Variants in GATAD2A observed in about 807,000 individuals in gnomAD.
The protein encoded by GATAD2A is transcriptional repressor p66-alpha.
In GATAD2A, 12 loss-of-function variants were observed where a neutral mutation model predicts 68.5. The ratio of observed to expected loss-of-function variants is 0.18; its 90% CI spans 0.11 to 0.28. The LOEUF is 0.28. Among genes scored for constraint, GATAD2A ranks in the 10% least tolerant of loss-of-function variants. The probability of loss-of-function intolerance (pLI) is 1.00; values close to 1 mark genes in which losing one functional copy is unlikely to be tolerated. For missense variants in GATAD2A, 755 were observed against 868.5 expected, an observed-to-expected ratio of 0.87 and a Z score of 1.64; for synonymous variants, 410 against 375.3, an observed-to-expected ratio of 1.09 and a Z score of -1.07.
chr19:19,508,011 A>T lies in GATAD2A; in HGVS notation c.*2537A>T, dbSNP rs1314237855. 1.3e-5 allele frequency: 2 copies of T among 152,202 alleles called. No homozygotes were observed. The highest frequency in any genetic ancestry group is 2.9e-5 in the Non-Finnish European group (2 of 68,036). The allele number at this position is 152,202 out of a possible 1,614,324, so 9.4% of individuals were successfully genotyped here. ...ATGTTAAGGGTGTTCTACCCACAGCAAAGCACACCCTCTTAAACCAGGCAC... is the reference window on the plus strand; with the variant it reads ...ATGTTAAGGGTGTTCTACCCACAGCTAAGCACACCCTCTTAAACCAGGCAC... On this transcript the variant is annotated 3_prime_UTR_variant, in exon 12 of 12. Transcript: ENST00000683918.
chr19:19,433,299 C>G (rs2053950474), intron 1 of GATAD2A, among the ~76,000 whole-genome samples: 1 of 152,104 alleles, frequency 6.6e-6, no homozygotes, highest in African/African-American at 2.4e-5. Flanking sequence ...TTTTGTCAGT[C>G]TGCTTGTCTT....
chr19:19,493,475 T>C (rs1177196930), intron 4 of GATAD2A, among the ~76,000 whole-genome samples: 1 of 152,232 alleles, frequency 6.6e-6, no homozygotes, highest in African/African-American at 2.4e-5. Flanking sequence ...GTCCTGCTTC[T>C]GTTTCTTCTT....
chr19:19,454,727 T>TTCCC (rs1555707158), intron 1 of GATAD2A, among the ~76,000 whole-genome samples: 1 of 108,340 alleles, frequency 9.2e-6, no homozygotes, highest in Non-Finnish European at 2.0e-5. Flanking sequence ...TGAGCCACTG[T>TTCCC]GCCCCCCCCC....
chr19:19,455,064 T>C (rs1600171793), intron 1 of GATAD2A, among the ~76,000 whole-genome samples: 2 of 152,280 alleles, frequency 1.3e-5, no homozygotes, highest in South Asian at 4.2e-4. Context: ...ATTGAAAATA[T>C]TTGGGGTAAG....
At chr19:19,401,645 GTC>G (rs2049763791), upstream of GATAD2A, among the ~76,000 whole-genome samples, 2 of 152,004 alleles carry the variant, frequency 1.3e-5, no homozygotes, top group African/African-American at 4.8e-5. Flanking sequence ...GGGAGGAGTG[GTC>G]TCTCAGTTGT....
chr19:19,452,090 T>A (rs1051787759), intron 1 of GATAD2A, among the ~76,000 whole-genome samples: 6 of 152,216 alleles, frequency 3.9e-5, no homozygotes, highest in Admixed American at 2.6e-4. Context: ...TGTGAGTATA[T>A]ACGTGTGTGT....
Position 19,477,646 on chromosome 19 carries a change from G to C in GATAD2A, c.269+12032G>C, listed in dbSNP as rs1036726068. On this transcript the variant is annotated intron_variant, in intron 2 of 11. Transcript: ENST00000683918. ...GGGATAGATTGTTGGATGCAGGAAG[G>C]GTGGAACATAGAGTTGGGACTGGGC... Among the ~76,000 whole-genome samples the C allele has an allele frequency of 9.2e-5, 14 of 152,292 alleles. No homozygotes were observed. In the East Asian group the frequency reaches 1.7e-3, roughly 19 times the overall value.
intron 1 of GATAD2A, among the ~76,000 whole-genome samples, chr19:19,461,489 T>C (rs1664636113): frequency 6.6e-6 from 1 of 152,204 alleles, no homozygotes; most frequent in Non-Finnish European, 1.5e-5. Flanking sequence ...TTCTAGAACA[T>C]GTTTTCTGCC....
rs549188396 is a variant in GATAD2A, at chr19:19,496,177, C to T, written c.882C>T (p.Val294=). The T allele has an allele frequency of 2.1e-5, 34 of 1,613,824 alleles. No homozygotes were observed. Among genetic ancestry groups the T allele is most frequent in the South Asian group, 1.9e-4 (17 of 91,090 alleles). ...TCATCCAGCAGGGCCTCATCCGCGT[C>T]GCCAATGTTCCCAACACCAGCCTGC... ...QRIIQQGLIR[V]ANVPNTSLLV... Residue 294 remains valine, a synonymous_variant, in exon 7 of 12, where the codon GTC becomes GTT. Coordinates refer to ENST00000683918, the MANE Select transcript of GATAD2A (RefSeq NM_001384528.1).
chr19:19,465,592 G>A lies in GATAD2A; in HGVS notation c.247G>A (p.Val83Met), dbSNP rs550086696. 7 of 1,611,248 alleles carry A rather than the reference G, an allele frequency of 4.3e-6. No homozygotes were observed. The highest frequency in any genetic ancestry group is 2.7e-5 in the African/African-American group (2 of 75,014). The change falls in exon 2 of 12, where the codon GTG becomes ATG. Residue 83 changes from valine to methionine, a missense_variant. By Grantham distance (21) the Val-to-Met change is conservative. Transcript: ENST00000683918. ...CGAAGGGCTGGTGGGCGATGGGCCC[G>A]TGGACATGCGCACCTCACACAGGTG... ...RGEGLVGDGP[V>M]DMRTSHSDMK...
At chr19:19,464,129 G>A (rs1644885774) in intron 1 of GATAD2A, among the ~76,000 whole-genome samples, 1 of 152,150 alleles carries the variant, frequency 6.6e-6, no homozygotes, top group Non-Finnish European at 1.5e-5. Flanking sequence ...GGAAACTAAG[G>A]CTCTGGCAAG....
intron 1 of GATAD2A, among the ~76,000 whole-genome samples, chr19:19,464,435 C>G (rs554123863): frequency 2.0e-5 from 3 of 152,300 alleles, no homozygotes; most frequent in African/African-American, 7.2e-5. Context: ...TGCCAGTGTC[C>G]CAGACCCTGC....
intron 2 of GATAD2A, among the ~76,000 whole-genome samples, chr19:19,474,709 G>C (rs993116133): frequency 6.6e-6 from 1 of 152,224 alleles, no homozygotes. Context: ...TAAACACTCA[G>C]GTTAAACTGC....
At chr19:19,409,531 T>G (rs1274879157) in intron 1 of GATAD2A, among the ~76,000 whole-genome samples, 2 of 152,206 alleles carry the variant, frequency 1.3e-5, no homozygotes, top group African/African-American at 4.8e-5. Flanking sequence ...TTGAGTTATC[T>G]GAGCTGCTTC....
At chr19:19,436,894 T>G (rs571993127) in intron 1 of GATAD2A, among the ~76,000 whole-genome samples, 3 of 152,118 alleles carry the variant, frequency 2.0e-5, no homozygotes, top group Non-Finnish European at 4.4e-5. Flanking sequence ...TGGGCCAGAG[T>G]TGGCAGGTGA....
chr19:19,411,900 CT>C (rs1568709479), intron 1 of GATAD2A, among the ~76,000 whole-genome samples: 1 of 152,158 alleles, frequency 6.6e-6, no homozygotes, highest in Admixed American at 6.6e-5. Flanking sequence ...GCTTGGTTTT[CT>C]TTATAACAGA....
Position 19,405,725 on chromosome 19 carries a change from C to G in GATAD2A, c.-301C>G, listed in dbSNP as rs1213122529. 1 of 151,614 alleles carries G rather than the reference C, an allele frequency of 6.6e-6. No homozygotes were observed. Among genetic ancestry groups the G allele is most frequent in the Non-Finnish European group, 1.5e-5 (1 of 67,842 alleles). 9.4% of individuals were successfully genotyped at this position (151,614 alleles called of 1,614,324 possible). ...GGGCGGCGTCGCCTTTAAGAGCTCC[C>G]CGGTGTTTTGGGGGCCGCGGGCCGG... On this transcript the variant is annotated 5_prime_UTR_variant, in exon 1 of 12. Transcript: ENST00000683918.
At chr19:19,415,735 A>G (rs1036625553) in intron 1 of GATAD2A, among the ~76,000 whole-genome samples, 2 of 148,444 alleles carry the variant, frequency 1.3e-5, no homozygotes, top group Non-Finnish European at 3.0e-5. Context: ...CTCCTGCCTC[A>G]GCCTCCCAAG....
At position 19,492,540 on chromosome 19, in the gene GATAD2A, A is replaced by G. The variant is rs766930178; in HGVS notation, c.403-41A>G. ...GATGGCAGGGCCTCTGCTCCTCACCAAGGACGCTCCCTCTCAACCCTGTTC... is the reference window on the plus strand; with the variant it reads ...GATGGCAGGGCCTCTGCTCCTCACCGAGGACGCTCCCTCTCAACCCTGTTC... On this transcript the variant is annotated intron_variant, in intron 3 of 11. Coordinates refer to ENST00000683918, the MANE Select transcript of GATAD2A (RefSeq NM_001384528.1). 5 of 1,612,720 alleles carry G rather than the reference A, an allele frequency of 3.1e-6. No individual in the cohort carries two copies. The Admixed American group carries it at 8.3e-5, about 27-fold the overall frequency.
Sources: allele counts gnomAD v4.1 joint callset (sites outside exome capture counted in the v4.1 genomes callset), GRCh38; gene constraint gnomAD v4.1.1; transcripts MANE v1.5; gene names NCBI Gene and HGNC (gene_info 2026-07-23, HGNC 2026-07-21).